FBXO38: variants seen among roughly 807,000 people sequenced by gnomAD.
FBXO38 encodes F-box only protein 38.
Under a neutral mutation model 131.9 loss-of-function variants are expected in FBXO38, and 53 were observed. The ratio of observed to expected loss-of-function variants is 0.40; its 90% CI spans 0.32 to 0.51. FBXO38 has a LOEUF of 0.51. Ranked by LOEUF, FBXO38 falls within the 20% of genes least tolerant of loss-of-function variation. The probability of loss-of-function intolerance (pLI) is 0.53; values close to 1 mark genes in which losing one functional copy is unlikely to be tolerated. For missense variants in FBXO38, 1,076 were observed against 1,475.6 expected (o/e 0.73, Z 4.44); for synonymous variants, 452 against 505.6 (o/e 0.89, Z 1.42).
intron 2 of FBXO38, among the ~76,000 whole-genome samples, chr5:148,395,812 A>G (rs112588657): frequency 4.9e-4 from 75 of 152,180 alleles, no homozygotes; most frequent in African/African-American, 1.7e-3. Context: ...TGGAATGTAT[A>G]AATAACATGG....
At chr5:148,412,040 A>G (rs1752790256) in intron 9 of FBXO38, among the ~76,000 whole-genome samples, 1 of 152,208 alleles carries the variant, frequency 6.6e-6, no homozygotes. Flanking sequence ...TGTTAACTTC[A>G]TAACCAATTA....
At chr5:148,422,047 C>CTT (rs35962676) in intron 12 of FBXO38, among the ~76,000 whole-genome samples, 111 of 145,292 alleles carry the variant, frequency 7.6e-4, no homozygotes, top group South Asian at 1.5e-3. Flanking sequence ...AGACCTTTCT[C>CTT]TTTTTTTTTT....
Position 148,438,200 on chromosome 5 carries a change from T to C in FBXO38, c.2858-132T>C, listed in dbSNP as rs1754461332. On this transcript the variant is annotated intron_variant, in intron 17 of 21. Transcript: ENST00000340253. ...CATTTTCAAATTTTTTTGTTAACTG[T>C]GATTTGTACTCTATGATATTATTTG... 4.2e-6 allele frequency: 3 copies of C among 713,180 alleles called. No individual in the cohort carries two copies. In the African/African-American group the frequency reaches 5.5e-5, roughly 13 times the overall value. The allele number at this position is 713,180 out of a possible 1,614,324, so 44.2% of individuals were successfully genotyped here.
At chr5:148,422,976 GTTT>G (rs1433201387) in intron 12 of FBXO38, among the ~76,000 whole-genome samples, 1 of 152,044 alleles carries the variant, frequency 6.6e-6, no homozygotes, top group Non-Finnish European at 1.5e-5. Flanking sequence ...TTGTTTGTTT[GTTT>G]GTTTGTTTTA....
intron 10 of FBXO38, among the ~76,000 whole-genome samples, chr5:148,415,142 G>T (rs1355475922): frequency 6.6e-6 from 1 of 152,102 alleles, no homozygotes; most frequent in African/African-American, 2.4e-5. Flanking sequence ...GAACCAAGAA[G>T]TTATTGGGAA....
chr5:148,419,257 T>C (rs866244035), intron 12 of FBXO38, among the ~76,000 whole-genome samples: 1 of 152,152 alleles, frequency 6.6e-6, no homozygotes, highest in African/African-American at 2.4e-5. Flanking sequence ...TGTAGAGAAA[T>C]GAAGATTGGT....
At chr5:148,387,070 T>C (rs1757951396) in intron 1 of FBXO38, among the ~76,000 whole-genome samples, 3 of 152,190 alleles carry the variant, frequency 2.0e-5, no homozygotes, top group Admixed American at 2.0e-4. Flanking sequence ...GAAGTTTGCC[T>C]CATTGATTGG....
intron 1 of FBXO38, among the ~76,000 whole-genome samples, chr5:148,394,116 A>G (rs1027622632): frequency 2.6e-5 from 4 of 152,220 alleles, no homozygotes; most frequent in Non-Finnish European, 5.9e-5. Flanking sequence ...GAAGTTGTAT[A>G]TAAGCTTGTG....
intron 5 of FBXO38, 164 bp downstream of exon 5, chr5:148,402,677 G>T: frequency 1.8e-6 from 1 of 558,766 alleles, no homozygotes; most frequent in South Asian, 3.0e-5. Flanking sequence ...TCCCATTAAA[G>T]ATCCACTGGT....
intron 15 of FBXO38, among the ~76,000 whole-genome samples, chr5:148,431,756 G>T (rs1332158830): frequency 6.6e-6 from 1 of 152,190 alleles, no homozygotes; most frequent in African/African-American, 2.4e-5. Context: ...GTTCCTTCAG[G>T]ATACTGTGGG....
intron 12 of FBXO38, among the ~76,000 whole-genome samples, chr5:148,418,207 G>A (rs924501985): frequency 2.3e-4 from 35 of 152,130 alleles, no homozygotes; most frequent in African/African-American, 8.4e-4. Context: ...TTGTTGCCTA[G>A]ACTTGTACAC....
intron 1 of FBXO38, among the ~76,000 whole-genome samples, chr5:148,393,453 T>G (rs1275318655): frequency 6.6e-6 from 1 of 152,122 alleles, no homozygotes; most frequent in African/African-American, 2.4e-5. Flanking sequence ...CCTAGTGAGT[T>G]CTTTCCTACT....
At chr5:148,403,737 G>C (rs967643451) in intron 5 of FBXO38, among the ~76,000 whole-genome samples, 1 of 152,154 alleles carries the variant, frequency 6.6e-6, no homozygotes, top group Non-Finnish European at 1.5e-5. Context: ...GTAGAATTTA[G>C]CCTTTATAAA....
At chr5:148,424,225 T>C (rs1201341311) in intron 13 of FBXO38, 108 bp downstream of exon 13, 3 of 1,074,054 alleles carry the variant, frequency 2.8e-6, no homozygotes, top group Non-Finnish European at 4.0e-6. Context: ...CAGCTAATGA[T>C]ACGTTTTATG....
In FBXO38 at chr5:148,414,125, G is replaced by A. The variant is rs1218622212; in HGVS notation, c.1094-11G>A. On this transcript the variant is annotated splice_polypyrimidine_tract_variant and intron_variant, in intron 9 of 21. Transcript: ENST00000340253. The stretch of plus-strand genomic sequence containing the variant: ...TGACTTTTTTTTTTTTTAATTGATT[G>A]CTCTTTTTAGGCAGAATGGCTAATG... 10 of 1,559,312 alleles carry A rather than the reference G, an allele frequency of 6.4e-6. No individual in the cohort carries two copies. In the East Asian group the frequency reaches 2.3e-4, roughly 36 times the overall value.
intron 15 of FBXO38, among the ~76,000 whole-genome samples, chr5:148,433,069 G>T (rs1022734602): frequency 6.6e-6 from 1 of 152,176 alleles, no homozygotes; most frequent in Admixed American, 6.5e-5. Context: ...CATTCACTAA[G>T]CTGCAGTCAA....
intron 18 of FBXO38, among the ~76,000 whole-genome samples, chr5:148,438,719 G>A (rs753639708): frequency 6.6e-6 from 1 of 152,130 alleles, no homozygotes; most frequent in Non-Finnish European, 1.5e-5. Context: ...CACAGTCTCT[G>A]GTTCAGACTG....
Position 148,406,251 on chromosome 5 carries a change from TTC to T in FBXO38, c.731-5_731-4del. ...TGTTCTATCAAAGATTTTTTTTTTTTTCCAGGACCCACAAATTCCTTGAAATA... is the reference window on the plus strand; with the variant it reads ...TGTTCTATCAAAGATTTTTTTTTTTTCAGGACCCACAAATTCCTTGAAATA... On this transcript the variant is annotated splice_polypyrimidine_tract_variant and splice_region_variant and intron_variant, in intron 6 of 21. Coordinates refer to ENST00000340253, the MANE Select transcript of FBXO38 (RefSeq NM_205836.3). 1 of 1,565,394 alleles carries T rather than the reference TTC, an allele frequency of 6.4e-7. No homozygotes were observed. Among genetic ancestry groups the T allele is most frequent in the Non-Finnish European group, 8.6e-7 (1 of 1,162,032 alleles).
At chr5:148,423,523 A>G (rs1347141168) in intron 12 of FBXO38, among the ~76,000 whole-genome samples, 1 of 152,210 alleles carries the variant, frequency 6.6e-6, no homozygotes, top group African/African-American at 2.4e-5. Flanking sequence ...GTTTCTAGGC[A>G]AGGTCATTTC....
Sources: allele counts gnomAD v4.1 joint callset (sites outside exome capture counted in the v4.1 genomes callset), GRCh38; gene constraint gnomAD v4.1.1; transcripts MANE v1.5; gene names NCBI Gene and HGNC (gene_info 2026-07-23, HGNC 2026-07-21).